Variants in DOCK4 observed in about 807,000 individuals in gnomAD.
DOCK4 encodes the protein dedicator of cytokinesis 4.
DOCK4 carries 97 observed loss-of-function variants against 268.1 expected under a neutral mutation model. The observed-to-expected ratio is 0.36, with a 90% CI of 0.31 to 0.43. The LOEUF is 0.43. DOCK4 is among the 20% of genes least tolerant of loss of function. The pLI is 1.00. For missense variants in DOCK4, 2,145 were observed against 2,455.7 expected (o/e 0.87, Z 2.67); for synonymous variants, 954 against 887.2 (o/e 1.08, Z -1.34).
chr7:112,004,256 A>C (rs930891977), intron 1 of DOCK4, 125 bp from the exon 2 acceptor site: 1 of 694,180 alleles, frequency 1.4e-6, no homozygotes, highest in African/African-American at 1.8e-5. Flanking sequence ...ACCCTCTGTC[A>C]TATTTTAATT....
chr7:111,915,975 A>G, intron 12 of DOCK4, 71 bp from the exon 13 acceptor site: 1 of 1,494,820 alleles, frequency 6.7e-7, no homozygotes. Flanking sequence ...GATGTGTTGC[A>G]ACAAGCCCAA....
rs750840339 is a variant in DOCK4, at chr7:111,896,486, G to GCTTTTTT, written c.1481-769_1481-768insAAAAAAG. Among the ~76,000 whole-genome samples, 4 of 134,006 alleles carry GCTTTTTT rather than the reference G, an allele frequency of 3.0e-5. 1 individual carries two copies. The highest frequency in any genetic ancestry group is 3.1e-5 in the Non-Finnish European group (2 of 64,440). 87.9% of individuals were successfully genotyped at this position (134,006 alleles called of 152,430 possible). On this transcript the variant is annotated intron_variant, in intron 15 of 52. Transcript: ENST00000428084. ...GTACCATTCCAGTTCTTTCCACCAA[G>GCTTTTTT]GTTTTTTTTTTTTTTTTTTTCCTCC... is the stretch of plus-strand genomic sequence containing the variant.
chr7:112,001,326 C>T lies in DOCK4; in HGVS notation c.122-792G>A, dbSNP rs1800405127. Among the ~76,000 whole-genome samples, 6 of 152,272 alleles carry T rather than the reference C, an allele frequency of 3.9e-5. No homozygotes were observed. The South Asian group carries it at 1.2e-3, about 32-fold the overall frequency. On this transcript the variant is annotated intron_variant, in intron 2 of 52. Transcript: ENST00000428084. ...TTAAACTGCATGCCATTCTAAGTAG[C>T]ATGATGAAATCCCGTGCCTGCCCGC...
chr7:111,849,982 T>A (rs1409346558), intron 23 of DOCK4, among the ~76,000 whole-genome samples: 2 of 152,170 alleles, frequency 1.3e-5, no homozygotes, highest in African/African-American at 4.8e-5. Flanking sequence ...CAGCTTTCTC[T>A]TGTCTGCAAG....
chr7:111,932,523 C>T (rs868323140), intron 12 of DOCK4, among the ~76,000 whole-genome samples: 5 of 152,008 alleles, frequency 3.3e-5, no homozygotes, highest in Middle Eastern at 3.4e-3. Context: ...AAAATGCTAG[C>T]CTTTAAACAG....
chr7:111,969,468 C>T (rs1302200981), intron 8 of DOCK4, among the ~76,000 whole-genome samples: 2 of 151,178 alleles, frequency 1.3e-5, no homozygotes, highest in African/African-American at 4.9e-5. Context: ...AGTGATTTGA[C>T]TCCTGTCACA....
chr7:111,865,546 G>A (rs1805903905), intron 22 of DOCK4, among the ~76,000 whole-genome samples: 1 of 152,230 alleles, frequency 6.6e-6, no homozygotes, highest in African/African-American at 2.4e-5. Context: ...GGCTGTAAAT[G>A]TGGCAGGCAG....
intron 52 of DOCK4, among the ~76,000 whole-genome samples, chr7:111,730,846 C>T (rs960245951): frequency 2.6e-5 from 4 of 152,170 alleles, no homozygotes; most frequent in Non-Finnish European, 5.9e-5. Flanking sequence ...TGCTGAGAGA[C>T]AGTATATACC....
chr7:111,989,748 C>T (rs974958630), intron 5 of DOCK4, among the ~76,000 whole-genome samples: 4 of 152,182 alleles, frequency 2.6e-5, no homozygotes, highest in African/African-American at 9.7e-5. Context: ...TTAAAACAAT[C>T]ATGGAGATTC....
At chr7:111,913,636 T>C (rs10276329) in intron 13 of DOCK4, among the ~76,000 whole-genome samples, 61,106 of 150,148 alleles carry the variant, frequency 0.41, 13,373 homozygotes, top group African/African-American at 0.59. Flanking sequence ...GTCTCGATCT[T>C]CTGACCTCGT....
At chr7:111,756,845 T>C (rs1333391838) in intron 41 of DOCK4, among the ~76,000 whole-genome samples, 1 of 151,934 alleles carries the variant, frequency 6.6e-6, no homozygotes, top group Non-Finnish European at 1.5e-5. Context: ...GCTCGCAGTG[T>C]TCTGGTGGTG....
At chr7:111,801,333 T>G (rs1248178982) in intron 30 of DOCK4, among the ~76,000 whole-genome samples, 1 of 152,212 alleles carries the variant, frequency 6.6e-6, no homozygotes, top group Non-Finnish European at 1.5e-5. Flanking sequence ...AGTCTCTTTG[T>G]TTCAAGCCTC....
chr7:112,154,197 C>T (rs542288912), intron 1 of DOCK4, among the ~76,000 whole-genome samples: 1 of 152,202 alleles, frequency 6.6e-6, no homozygotes, highest in South Asian at 2.1e-4. Flanking sequence ...GTCTCAAACT[C>T]CTGGGCTCAA....
chr7:112,175,715 T>C (rs1818453287), intron 1 of DOCK4, among the ~76,000 whole-genome samples: 1 of 152,328 alleles, frequency 6.6e-6, no homozygotes, highest in South Asian at 2.1e-4. Flanking sequence ...AAAATTTATC[T>C]CTTAATGAGA....
At chr7:111,764,187 A>C (rs773231120) in intron 39 of DOCK4, among the ~76,000 whole-genome samples, 2 of 152,204 alleles carry the variant, frequency 1.3e-5, no homozygotes, top group Non-Finnish European at 2.9e-5. Flanking sequence ...GTGATACTAA[A>C]ATGAACCTGT....
At chr7:111,883,481 T>G (rs756239864) in intron 16 of DOCK4, among the ~76,000 whole-genome samples, 13 of 152,186 alleles carry the variant, frequency 8.5e-5, no homozygotes, top group Non-Finnish European at 1.9e-4. Context: ...ATGATCCATC[T>G]GTTCACAGAA....
At chr7:111,874,804 C>G (rs1806708521) in intron 17 of DOCK4, among the ~76,000 whole-genome samples, 1 of 152,208 alleles carries the variant, frequency 6.6e-6, no homozygotes, top group Admixed American at 6.5e-5. Context: ...GCATAGTGCT[C>G]TGACCTTGGT....
chr7:111,950,896 T>C (rs1586473422), intron 8 of DOCK4, among the ~76,000 whole-genome samples: 1 of 152,200 alleles, frequency 6.6e-6, no homozygotes, highest in Non-Finnish European at 1.5e-5. Flanking sequence ...GTCTTCCTCT[T>C]CTTACAGAAT....
chr7:111,867,958 A>G, intron 22 of DOCK4, 26 bp downstream of exon 22: 2 of 1,545,324 alleles, frequency 1.3e-6, no homozygotes, highest in South Asian at 1.2e-5. Flanking sequence ...GTTTTCTTCT[A>G]TTCAGCATAG....
Sources: allele counts gnomAD v4.1 joint callset (sites outside exome capture counted in the v4.1 genomes callset), GRCh38; gene constraint gnomAD v4.1.1; transcripts MANE v1.5; gene names NCBI Gene and HGNC (gene_info 2026-07-23, HGNC 2026-07-21).